Variants in GRAP2 observed in about 807,000 individuals in gnomAD.
GRAP2 encodes GRB2 related adaptor protein 2.
GRAP2 carries 31 observed loss-of-function variants against 43.5 expected under a neutral mutation model. The ratio of observed to expected loss-of-function variants is 0.71; its 90% confidence interval spans 0.54 to 0.96. GRAP2 has a LOEUF of 0.96. GRAP2 is among the 40% of genes least tolerant of loss of function. The pLI is 0.00. For missense variants in GRAP2, 371 were observed against 424.4 expected, an observed-to-expected ratio of 0.87 and a Z score of 1.11; for synonymous variants, 156 against 164.8, an observed-to-expected ratio of 0.95 and a Z score of 0.41.
chr22:39,894,358 A>G, the GRAP2 span, among the ~76,000 whole-genome samples: 391 of 141,180 alleles, frequency 2.8e-3, 1 homozygote, highest in African/African-American at 9.7e-3. Flanking sequence ...ATAGGTGGGA[A>G]TTGAACAATG....
At chr22:39,939,561 CAA>C (rs386395434) in intron 1 of GRAP2, among the ~76,000 whole-genome samples, 10 of 64,168 alleles carry the variant, frequency 1.6e-4, no homozygotes, top group Non-Finnish European at 2.5e-4. Context: ...GACTCCGTCT[CAA>C]AAAAAAAAAA....
intron 2 of GRAP2, among the ~76,000 whole-genome samples, chr22:39,952,223 T>C (rs960830192): frequency 3.3e-5 from 5 of 151,940 alleles, no homozygotes; most frequent in Non-Finnish European, 7.4e-5. Flanking sequence ...GATCAGGTTT[T>C]GCCATGTTGG....
chr22:39,970,779 C>A, intron 7 of GRAP2, 126 bp from the exon 8 acceptor site: 1 of 863,368 alleles, frequency 1.2e-6, no homozygotes, highest in Non-Finnish European at 1.7e-6. Context: ...TTTTAAGCTG[C>A]AGAGGGGTCA....
the GRAP2 span, among the ~76,000 whole-genome samples, chr22:39,894,153 G>A: frequency 6.6e-6 from 1 of 151,726 alleles, no homozygotes; most frequent in African/African-American, 2.4e-5. Context: ...ATAAAATAAT[G>A]TATGTAACTT....
At chr22:39,922,811 G>A (rs2066664145) in intron 1 of GRAP2, among the ~76,000 whole-genome samples, 1 of 152,192 alleles carries the variant, frequency 6.6e-6, no homozygotes, top group African/African-American at 2.4e-5. Context: ...GGGACGCCGA[G>A]GCAGGTGGAT....
rs370366466 is a variant in GRAP2, at chr22:39,926,747, C to T, written c.-14-20346C>T. 4.8e-4 allele frequency: 468 copies of T among 985,078 alleles called. 2 individuals carry two copies. The African/African-American group carries it at 5.7e-3, about 12-fold the overall frequency. The allele number at this position is 985,078 out of a possible 1,614,324, so 61.0% of individuals were successfully genotyped here. ...AAATTGTTAATGGGGACTGCATTAG[C>T]GGCCCCTTATCGCTTTGCCTGATAG... On this transcript the variant is annotated intron_variant, in intron 1 of 7. Transcript: ENST00000344138.
intron 2 of GRAP2, among the ~76,000 whole-genome samples, chr22:39,953,851 C>T (rs1230717137): frequency 6.6e-6 from 1 of 152,134 alleles, no homozygotes; most frequent in Non-Finnish European, 1.5e-5. Context: ...TGGGCTCAAG[C>T]GATCGTCCAC....
intron 1 of GRAP2, chr22:39,926,920 G>A (rs2066707659): frequency 4.6e-6 from 4 of 872,012 alleles, no homozygotes; most frequent in Non-Finnish European, 5.5e-6. Context: ...TGAGGCAGAA[G>A]CTGCCACCCA....
chr22:39,949,570 G>A (rs1247029964), intron 2 of GRAP2, among the ~76,000 whole-genome samples: 1 of 152,196 alleles, frequency 6.6e-6, no homozygotes, highest in Non-Finnish European at 1.5e-5. Context: ...AGAAAGGAGT[G>A]TGAGGCAGTA....
intron 1 of GRAP2, among the ~76,000 whole-genome samples, chr22:39,946,234 A>G (rs948184510): frequency 1.3e-5 from 2 of 152,232 alleles, no homozygotes; most frequent in South Asian, 2.1e-4. Context: ...AGATGAGGAA[A>G]TGGAGACTCC....
upstream of GRAP2, among the ~76,000 whole-genome samples, chr22:39,897,706 A>G (rs546901030): frequency 1.3e-5 from 2 of 151,824 alleles, no homozygotes; most frequent in Admixed American, 1.3e-4. Context: ...TTTAGTAGAA[A>G]TTGGGTTTCT....
At chr22:39,894,182 T>G in the GRAP2 span, among the ~76,000 whole-genome samples, 1 of 152,010 alleles carries the variant, frequency 6.6e-6, no homozygotes, top group African/African-American at 2.4e-5. Context: ...CCATGATAAT[T>G]TATTCTTAAA....
intron 1 of GRAP2, among the ~76,000 whole-genome samples, chr22:39,915,814 G>A (rs1404315663): frequency 6.6e-6 from 1 of 152,198 alleles, no homozygotes; most frequent in African/African-American, 2.4e-5. Context: ...TGGATGATAT[G>A]TAAAAATTCA....
chr22:39,905,837 G>A (rs1413577224), intron 1 of GRAP2, among the ~76,000 whole-genome samples: 1 of 152,170 alleles, frequency 6.6e-6, no homozygotes, highest in Non-Finnish European at 1.5e-5. Flanking sequence ...GGCACATGCA[G>A]TGAGGAGTGA....
At position 39,949,069 on chromosome 22, in the gene GRAP2, C is replaced by T. The variant is rs914814133; in HGVS notation, c.78+1885C>T. Reference sequence around the variant, plus strand: ...CTGGCCTTGCTCTTGAACTCCAGACCCAGACTTCCAATTGTCTGCTGGATG... The same window carrying T: ...CTGGCCTTGCTCTTGAACTCCAGACTCAGACTTCCAATTGTCTGCTGGATG... On this transcript the variant is annotated intron_variant, in intron 2 of 7. Transcript: ENST00000344138. 1.5e-4 allele frequency among the ~76,000 whole-genome samples: 23 copies of T among 152,218 alleles called. No individual in the cohort carries two copies. In the East Asian group the frequency reaches 2.3e-3, roughly 15 times the overall value.
At chr22:39,919,902 A>G (rs1351085036) in intron 1 of GRAP2, among the ~76,000 whole-genome samples, 1 of 152,230 alleles carries the variant, frequency 6.6e-6, no homozygotes, top group East Asian at 1.9e-4. Context: ...ATTCCTATCT[A>G]AGGGGATAAG....
rs114939368 is a variant in GRAP2, at chr22:39,914,791, G to A, written c.-15+13461G>A. On this transcript the variant is annotated intron_variant, in intron 1 of 7. Transcript: ENST00000344138. ...AGTTTATCAAAGTTACAACAGATGA[G>A]GTATTGTGGGATGCGACAGAACGTA... Among the ~76,000 whole-genome samples the A allele has an allele frequency of 7.0e-3, 1,072 of 152,256 alleles. 16 individuals carry two copies. The highest frequency in any genetic ancestry group is 0.023 in the African/African-American group (973 of 41,528).
chr22:39,920,457 G>A (rs1463202346), intron 1 of GRAP2, among the ~76,000 whole-genome samples: 2 of 152,190 alleles, frequency 1.3e-5, no homozygotes, highest in Non-Finnish European at 2.9e-5. Context: ...GGCTCCTGCT[G>A]GGCTGCCTGG....
chr22:39,947,334 C>T (rs2066933782), intron 2 of GRAP2, 150 bp downstream of exon 2: 4 of 642,074 alleles, frequency 6.2e-6, no homozygotes. Flanking sequence ...TTATACCAGA[C>T]ACCAACCAGG....
Sources: gnomAD v4.1 joint callset for allele counts (sites outside exome capture counted in the v4.1 genomes callset) on GRCh38, gnomAD v4.1.1 for gene constraint, MANE v1.5 for transcripts, NCBI Gene and HGNC (gene_info 2026-07-23, HGNC 2026-07-21) for gene names.